SETBP1: variants seen among roughly 807,000 people sequenced by gnomAD.
The protein encoded by SETBP1 is SET binding protein 1.
In SETBP1, 9 loss-of-function variants were observed where a neutral mutation model predicts 101.0. That is an observed-to-expected ratio of 0.09 (90% CI 0.05 to 0.16). The LOEUF (loss-of-function observed/expected upper bound fraction) is 0.16, where lower values mean the gene tolerates loss of function less well. Among genes scored for constraint, SETBP1 ranks in the 10% least tolerant of loss-of-function variants. The pLI is 1.00. For missense variants in SETBP1, 1,858 were observed against 2,033.8 expected (o/e 0.91, Z 1.66); for synonymous variants, 818 against 788.5 (o/e 1.04, Z -0.63).
intron 3 of SETBP1, among the ~76,000 whole-genome samples, chr18:44,929,919 C>T (rs2070789103): frequency 6.6e-6 from 1 of 152,200 alleles, no homozygotes; most frequent in Non-Finnish European, 1.5e-5. Flanking sequence ...TAATCAAATA[C>T]ACTTTATTTC....
At chr18:44,685,189 C>G (rs2068816659) in intron 1 of SETBP1, among the ~76,000 whole-genome samples, 1 of 152,114 alleles carries the variant, frequency 6.6e-6, no homozygotes, top group African/African-American at 2.4e-5. Flanking sequence ...CTGTGCCACT[C>G]CAAGTGCTGA....
chr18:44,988,125 AT>A (rs1351159743), intron 4 of SETBP1: 1 of 152,228 alleles, frequency 6.6e-6, no homozygotes, highest in African/African-American at 2.4e-5. Flanking sequence ...CATTCATACG[AT>A]TTGGAAAAGA....
At chr18:44,839,958 G>A (rs16960301) in intron 2 of SETBP1, among the ~76,000 whole-genome samples, 8,154 of 152,286 alleles carry the variant, frequency 0.054, 715 homozygotes, top group African/African-American at 0.18. Flanking sequence ...GCAGGAAAAC[G>A]TAAGAAGGAG....
intron 2 of SETBP1, among the ~76,000 whole-genome samples, chr18:44,845,900 T>G (rs1028349029): frequency 3.9e-5 from 6 of 152,192 alleles, no homozygotes; most frequent in Admixed American, 3.9e-4. Flanking sequence ...AAGCAATACC[T>G]CTTCCCAGGG....
intron 3 of SETBP1, among the ~76,000 whole-genome samples, chr18:44,944,032 T>C (rs1170545737): frequency 6.6e-6 from 1 of 151,896 alleles, no homozygotes; most frequent in African/African-American, 2.4e-5. Context: ...CAGGATTTTG[T>C]CTTGTTGTCT....
chr18:44,823,189 A>G (rs955892630), intron 2 of SETBP1, among the ~76,000 whole-genome samples: 6 of 152,252 alleles, frequency 3.9e-5, no homozygotes, highest in African/African-American at 9.6e-5. Flanking sequence ...ATTAATTAAA[A>G]TAGACTACTG....
chr18:44,930,014 A>G (rs959812919), intron 3 of SETBP1, among the ~76,000 whole-genome samples: 37 of 152,230 alleles, frequency 2.4e-4, no homozygotes, highest in Admixed American at 4.6e-4. Flanking sequence ...GTCTTGTGCC[A>G]GTTTTCAAAA....
intron 5 of SETBP1, among the ~76,000 whole-genome samples, chr18:45,058,115 A>G (rs2073838701): frequency 6.6e-6 from 1 of 152,238 alleles, no homozygotes; most frequent in Non-Finnish European, 1.5e-5. Context: ...CGAGTTATGA[A>G]GAAATGAATT....
chr18:44,941,872 G>A (rs1367072979), intron 3 of SETBP1, among the ~76,000 whole-genome samples: 1 of 151,802 alleles, frequency 6.6e-6, no homozygotes, highest in Non-Finnish European at 1.5e-5. Flanking sequence ...TCAATTATGT[G>A]TATCTTTTCT....
At chr18:44,682,272 A>G (rs1041879543) in intron 1 of SETBP1, among the ~76,000 whole-genome samples, 4 of 152,184 alleles carry the variant, frequency 2.6e-5, no homozygotes, top group Non-Finnish European at 4.4e-5. Context: ...GGGATGGGGT[A>G]GAGAAGAGGT....
intron 2 of SETBP1, among the ~76,000 whole-genome samples, chr18:44,780,110 A>G (rs1297811158): frequency 1.3e-5 from 2 of 152,168 alleles, no homozygotes; most frequent in Admixed American, 1.3e-4. Flanking sequence ...CTGTGCAGTC[A>G]TCTGGGTGTT....
chr18:44,950,602 G>A lies in SETBP1; in HGVS notation c.1262G>A (p.Arg421Lys). Residue 421 changes from arginine to lysine, a missense_variant, in exon 4 of 6, where the codon AGA (arginine) becomes AAA (lysine). Coordinates refer to ENST00000649279, the MANE Select transcript of SETBP1 (RefSeq NM_015559.3). ...LDPTNHKRKK[R>K]QSIKAVVEKI... The stretch of plus-strand genomic sequence containing the variant: ...CCAACCAACCATAAGAGGAAAAAAA[G>A]ACAGTCCATTAAAGCGGTGGTGGAA... The A allele has an allele frequency of 6.2e-7, 1 of 1,614,090 alleles. No individual in the cohort carries two copies. Among genetic ancestry groups the A allele is most frequent in the Non-Finnish European group, 8.5e-7 (1 of 1,180,026 alleles).
At chr18:44,824,401 T>C (rs1468137812) in intron 2 of SETBP1, among the ~76,000 whole-genome samples, 1 of 152,136 alleles carries the variant, frequency 6.6e-6, no homozygotes, top group African/African-American at 2.4e-5. Context: ...TTCACTTGGG[T>C]TATTGAATGT....
At chr18:44,754,200 A>C (rs7232987) in intron 2 of SETBP1, among the ~76,000 whole-genome samples, 121,948 of 152,088 alleles carry the variant, frequency 0.8, 48,995 homozygotes, top group African/African-American at 0.83. Context: ...TTCCTAGTAA[A>C]CCTTCTTAAG....
chr18:44,686,007 G>A (rs2068832777), intron 1 of SETBP1, among the ~76,000 whole-genome samples: 1 of 152,206 alleles, frequency 6.6e-6, no homozygotes, highest in South Asian at 2.1e-4. Flanking sequence ...CACACAGGGA[G>A]GGGAGGCGAA....
At chr18:44,996,224 C>G (rs1285457862) in intron 4 of SETBP1, among the ~76,000 whole-genome samples, 2 of 152,134 alleles carry the variant, frequency 1.3e-5, no homozygotes, top group African/African-American at 4.8e-5. Context: ...GTCTGATAGC[C>G]AGGAGCAATA....
At chr18:45,043,352 C>CTT (rs2073546714) in intron 5 of SETBP1, among the ~76,000 whole-genome samples, 4 of 71,330 alleles carry the variant, frequency 5.6e-5, no homozygotes, top group African/African-American at 1.7e-4. Context: ...TATCCTTTCT[C>CTT]TCTCTCTCTC....
At chr18:44,997,691 T>G (rs1414722980) in intron 4 of SETBP1, among the ~76,000 whole-genome samples, 1 of 152,232 alleles carries the variant, frequency 6.6e-6, no homozygotes, top group East Asian at 1.9e-4. Context: ...AGCAATAATT[T>G]AGCAGTTGTA....
chr18:44,701,409 G>C lies in SETBP1; in HGVS notation c.63G>C (p.Pro21=). ...GAGGGGGCGAGTCAGACTTCCTGCC[G>C]GTCTCCTCAGCCAAGCCCCCAGCTG... ...RQRGGESDFL[P]VSSAKPPAAP... The change falls in exon 2 of 6, where the codon CCG becomes CCC. Residue 21 remains proline, a synonymous_variant. Transcript: ENST00000649279. 1.3e-6 allele frequency: 2 copies of C among 1,579,278 alleles called. No individual in the cohort carries two copies. Among genetic ancestry groups the C allele is most frequent in the Non-Finnish European group, 1.7e-6 (2 of 1,161,180 alleles).
Sources: gnomAD v4.1 joint callset for allele counts (sites outside exome capture counted in the v4.1 genomes callset) on GRCh38, gnomAD v4.1.1 for gene constraint, MANE v1.5 for transcripts, NCBI Gene and HGNC (gene_info 2026-07-23, HGNC 2026-07-21) for gene names.